MARCHF1: variants seen among roughly 807,000 people sequenced by gnomAD.
MARCHF1 encodes the protein membrane associated ring-CH-type finger 1.
MARCHF1 carries 40 observed loss-of-function variants against 54.2 expected under a neutral mutation model. The ratio of observed to expected loss-of-function variants is 0.74; its 90% CI spans 0.57 to 0.96. The LOEUF (loss-of-function observed/expected upper bound fraction) is 0.96. Among genes scored for constraint, MARCHF1 ranks in the 40% least tolerant of loss-of-function variants. The probability of loss-of-function intolerance (pLI) is 0.00; values close to 1 mark genes in which losing one functional copy is unlikely to be tolerated. For missense variants in MARCHF1, 586 were observed against 656.5 expected, an observed-to-expected ratio of 0.89 and a Z score of 1.17; for synonymous variants, 236 against 236.3, an observed-to-expected ratio of 1.00 and a Z score of 0.01.
chr4:164,324,383 C>T lies in MARCHF1; in HGVS notation c.-323+59487G>A, dbSNP rs1049107611. ...ATTGGAAATTGCACAGGGAAACACA[C>T]TATTATTGAACATTGATGTGAAGAT... On this transcript the variant is annotated intron_variant, in intron 1 of 9. Coordinates refer to ENST00000514618, the MANE Select transcript of MARCHF1 (RefSeq NM_001394959.1). 2.0e-5 allele frequency among the ~76,000 whole-genome samples: 3 copies of T among 151,630 alleles called. No homozygotes were observed. In the East Asian group the frequency reaches 5.8e-4, roughly 29 times the overall value.
chr4:163,842,217 A>C (rs942426878), intron 4 of MARCHF1, among the ~76,000 whole-genome samples: 1 of 152,132 alleles, frequency 6.6e-6, no homozygotes, highest in Non-Finnish European at 1.5e-5. Context: ...TATCATGTAT[A>C]TGTGGTATCT....
chr4:164,041,627 G>A (rs1754131052), intron 2 of MARCHF1, among the ~76,000 whole-genome samples: 1 of 152,146 alleles, frequency 6.6e-6, no homozygotes, highest in Admixed American at 6.6e-5. Context: ...ATTAGCTAGA[G>A]TTGTAGTCCT....
intron 2 of MARCHF1, among the ~76,000 whole-genome samples, chr4:164,041,035 A>T (rs1349440494): frequency 6.6e-6 from 1 of 152,138 alleles, no homozygotes; most frequent in Non-Finnish European, 1.5e-5. Context: ...ACTCAATTTA[A>T]ACCTTATATG....
At chr4:164,051,946 G>A (rs1754377881) in intron 2 of MARCHF1, among the ~76,000 whole-genome samples, 2 of 152,056 alleles carry the variant, frequency 1.3e-5, no homozygotes, top group African/African-American at 4.8e-5. Context: ...TTGATTTGCA[G>A]CTACCTAAAA....
intron 3 of MARCHF1, among the ~76,000 whole-genome samples, chr4:163,978,232 T>A (rs1752687192): frequency 6.6e-6 from 1 of 152,162 alleles, no homozygotes; most frequent in Admixed American, 6.6e-5. Flanking sequence ...TTTATTATCA[T>A]TAATTTTATC....
chr4:164,383,014 A>C (rs1351220828), intron 1 of MARCHF1, among the ~76,000 whole-genome samples: 4 of 152,160 alleles, frequency 2.6e-5, no homozygotes, highest in Admixed American at 6.5e-5. Context: ...ACAAATCTCC[A>C]AAATCAGCGC....
At chr4:163,582,504 T>C (rs1740262922) in intron 8 of MARCHF1, among the ~76,000 whole-genome samples, 1 of 152,232 alleles carries the variant, frequency 6.6e-6, no homozygotes, top group African/African-American at 2.4e-5. Context: ...CCAAGGTTTG[T>C]CTATGAAGAT....
chr4:163,990,226 G>A (rs1228186251), intron 2 of MARCHF1, among the ~76,000 whole-genome samples: 3 of 152,068 alleles, frequency 2.0e-5, no homozygotes, highest in Non-Finnish European at 2.9e-5. Context: ...TTAGCCACCT[G>A]CCCATGGTTC....
rs979820103 is a variant in MARCHF1 at position 163,854,276 on chromosome 4, A to T, written c.-38-107T>A. The stretch of plus-strand genomic sequence containing the variant: ...ACAATATAACAAAACACTAATTGAG[A>T]CTTTTTTAAAAAAACCAGGGGTTAC... On this transcript the variant is annotated intron_variant, in intron 3 of 9. Coordinates refer to ENST00000514618, the MANE Select transcript of MARCHF1 (RefSeq NM_001394959.1). 152 of 855,020 alleles carry T rather than the reference A, an allele frequency of 1.8e-4. 2 individuals are homozygous for T. The highest frequency in any genetic ancestry group is 1.7e-3 in the African/African-American group (99 of 58,544). 53.0% of individuals were successfully genotyped at this position (855,020 alleles called of 1,614,324 possible). A position where few individuals can be genotyped will look rare whatever the true frequency, so the allele number is the denominator to read the frequency against.
At chr4:164,220,626 T>A (rs1297951383) in intron 1 of MARCHF1, among the ~76,000 whole-genome samples, 1 of 146,084 alleles carries the variant, frequency 6.8e-6, no homozygotes, top group Non-Finnish European at 1.5e-5. Flanking sequence ...TATGCATATA[T>A]GTAATATATA....
chr4:164,146,985 C>T (rs1287531654), intron 1 of MARCHF1, among the ~76,000 whole-genome samples: 1 of 151,384 alleles, frequency 6.6e-6, no homozygotes, highest in Non-Finnish European at 1.5e-5. Context: ...AAGAAAAAAA[C>T]AAACAACCCC....
intron 3 of MARCHF1, among the ~76,000 whole-genome samples, chr4:163,911,850 A>AT (rs1751195949): frequency 6.6e-6 from 1 of 152,090 alleles, no homozygotes; most frequent in Admixed American, 6.5e-5. Flanking sequence ...GGAGAAATCA[A>AT]TCTTGCTGAT....
intron 1 of MARCHF1, among the ~76,000 whole-genome samples, chr4:164,287,044 G>A (rs1252558019): frequency 1.4e-5 from 2 of 147,988 alleles, no homozygotes; most frequent in African/African-American, 2.5e-5. Flanking sequence ...AAAGGATTGA[G>A]AAAAAAGCAG....
At chr4:164,117,825 G>C (rs1163895233) in intron 1 of MARCHF1, among the ~76,000 whole-genome samples, 2 of 151,880 alleles carry the variant, frequency 1.3e-5, no homozygotes, top group African/African-American at 2.4e-5. Context: ...ACCTCAACCT[G>C]GGAGGTGGAG....
chr4:164,131,944 T>C (rs937645627), intron 1 of MARCHF1, among the ~76,000 whole-genome samples: 5 of 152,198 alleles, frequency 3.3e-5, no homozygotes, highest in African/African-American at 1.2e-4. Flanking sequence ...CAGAAATTAC[T>C]TGAGAATATT....
chr4:163,852,004 G>A lies in MARCHF1; in HGVS notation c.111+2017C>T, dbSNP rs935427929. 3.5e-4 allele frequency among the ~76,000 whole-genome samples: 54 copies of A among 152,140 alleles called. 1 individual carries two copies. Among genetic ancestry groups the A allele is most frequent in the Non-Finnish European group, 8.8e-5 (6 of 68,024 alleles). On this transcript the variant is annotated intron_variant, in intron 4 of 9. Transcript: ENST00000514618. ...AGATTTGGGGGTTTTATGTTAAAGT[G>A]TATAGAGGTTATCCCTGTAATACAG...
At chr4:163,852,048 G>A (rs1450966723) in intron 4 of MARCHF1, among the ~76,000 whole-genome samples, 6 of 152,056 alleles carry the variant, frequency 3.9e-5, no homozygotes, top group Admixed American at 1.3e-4. Context: ...TTAATTACTG[G>A]ATTTAATTCC....
chr4:164,300,744 T>A (rs1734534468), intron 1 of MARCHF1, among the ~76,000 whole-genome samples: 1 of 152,212 alleles, frequency 6.6e-6, no homozygotes, highest in African/African-American at 2.4e-5. Flanking sequence ...TTGTGCCATG[T>A]TGTCCAGGCT....
intron 7 of MARCHF1, among the ~76,000 whole-genome samples, chr4:163,598,865 T>C (rs1740856404): frequency 6.6e-6 from 1 of 152,256 alleles, no homozygotes; most frequent in Non-Finnish European, 1.5e-5. Context: ...TTAACTTTTA[T>C]TTTATAAACT....
Sources: gnomAD v4.1 joint callset for allele counts (sites outside exome capture counted in the v4.1 genomes callset) on GRCh38, gnomAD v4.1.1 for gene constraint, MANE v1.5 for transcripts, NCBI Gene and HGNC (gene_info 2026-07-23, HGNC 2026-07-21) for gene names.